Variants in CAB39L observed in about 807,000 individuals in gnomAD.
CAB39L encodes calcium binding protein 39 like.
A neutral mutation model predicts 39.1 loss-of-function variants in CAB39L; 23 were observed. The ratio of observed to expected loss-of-function variants is 0.59; its 90% CI spans 0.42 to 0.83. The LOEUF (loss-of-function observed/expected upper bound fraction) is 0.83, where lower values mean the gene tolerates loss of function less well. Ranked by LOEUF, CAB39L falls within the 40% of genes least tolerant of loss-of-function variation. The pLI is 0.00. For synonymous variants in CAB39L, 126 were observed against 137.2 expected, an observed-to-expected ratio of 0.92 and a Z score of 0.57; for missense variants, 366 against 391.9, an observed-to-expected ratio of 0.93 and a Z score of 0.56.
chr13:49,325,620 C>T (rs1309632956), intron 10 of CAB39L, among the ~76,000 whole-genome samples: 1 of 152,110 alleles, frequency 6.6e-6, no homozygotes, highest in Non-Finnish European at 1.5e-5. Flanking sequence ...AAAACCTCAT[C>T]TGTACTAAAA....
intron 1 of CAB39L, among the ~76,000 whole-genome samples, chr13:49,437,733 CTT>C (rs1325602104): frequency 6.6e-6 from 1 of 152,206 alleles, no homozygotes; most frequent in African/African-American, 2.4e-5. Context: ...TGGGTTTTCT[CTT>C]GTTAACCTAC....
intron 3 of CAB39L, chr13:49,420,199 G>A (rs1278139532): frequency 1.3e-5 from 2 of 151,970 alleles, no homozygotes; most frequent in African/African-American, 4.8e-5. Context: ...AAAAAAGGAG[G>A]CCCCAATGAA....
At chr13:49,329,482 A>G (rs1191085511) in intron 10 of CAB39L, among the ~76,000 whole-genome samples, 2 of 147,102 alleles carry the variant, frequency 1.4e-5, no homozygotes, top group African/African-American at 5.0e-5. Context: ...CAGGGAAGGC[A>G]TGGAAGCTCC....
rs1453031581 is a variant in CAB39L at position 49,443,996 on chromosome 13, A to C, written c.-256T>G. The C allele has an allele frequency of 1.3e-5, 6 of 456,776 alleles. No homozygotes were observed. In the East Asian group the frequency reaches 4.2e-4, roughly 32 times the overall value. The allele number at this position is 456,776 out of a possible 1,614,324, so 28.3% of individuals were successfully genotyped here. A position where few individuals can be genotyped will look rare whatever the true frequency, so the allele number is the denominator to read the frequency against. On this transcript the variant is annotated 5_prime_UTR_variant, in exon 1 of 11. Coordinates refer to ENST00000409308, the MANE Select transcript of CAB39L (RefSeq NM_001079670.3). ...CAGCCTCACACCTACCGGAGGAAAC[A>C]GCTGCGCCACCACTCCAGTGATGCC...
At position 49,346,100 on chromosome 13, in the gene CAB39L, G is replaced by GAGATATAT. The variant is rs1555254610; in HGVS notation, c.565-1863_565-1862insATATATCT. Among the ~76,000 whole-genome samples the GAGATATAT allele has an allele frequency of 4.0e-3, 125 of 30,922 alleles. 14 individuals carry two copies. Among genetic ancestry groups the GAGATATAT allele is most frequent in the Admixed American group, 0.013 (28 of 2,164 alleles). 20.3% of individuals were successfully genotyped at this position (30,922 alleles called of 152,430 possible). On this transcript the variant is annotated intron_variant, in intron 7 of 10. Coordinates refer to ENST00000409308, the MANE Select transcript of CAB39L (RefSeq NM_001079670.3). ...GATATATATATATATATATATGCTA[G>GAGATATAT]ATATATATATATATATATATATATC...
In CAB39L at chr13:49,374,196, A is replaced by G. The variant is rs533771139; in HGVS notation, c.276+2771T>C. The stretch of plus-strand genomic sequence containing the variant: ...TATGTTCTAGGTATGTGTCACGTCA[A>G]TTGAATAAATAAAGTTAAGAATTGC... On this transcript the variant is annotated intron_variant, in intron 5 of 10. Transcript: ENST00000409308. 2.0e-5 allele frequency among the ~76,000 whole-genome samples: 3 copies of G among 152,340 alleles called. No homozygotes were observed. In the South Asian group the frequency reaches 6.2e-4, roughly 32 times the overall value.
intron 3 of CAB39L, among the ~76,000 whole-genome samples, chr13:49,385,942 G>T (rs58742363): frequency 1 from 152,292 of 152,292 alleles, 76,146 homozygotes; most frequent in Non-Finnish European, 1. Flanking sequence ...GCACATGCTG[G>T]TGAAAAAAAT....
intron 4 of CAB39L, among the ~76,000 whole-genome samples, chr13:49,380,868 T>A (rs1326580744): frequency 6.6e-6 from 1 of 152,066 alleles, no homozygotes. Flanking sequence ...TGATGCAACT[T>A]TTGTTATTTA....
At chr13:49,333,317 T>C (rs548645521) in intron 9 of CAB39L, among the ~76,000 whole-genome samples, 23 of 152,296 alleles carry the variant, frequency 1.5e-4, no homozygotes, top group African/African-American at 5.5e-4. Context: ...TTCTGGAAAC[T>C]TTCTTTGCTC....
intron 1 of CAB39L, among the ~76,000 whole-genome samples, chr13:49,439,006 T>C (rs1437368786): frequency 2.0e-5 from 3 of 152,202 alleles, no homozygotes; most frequent in Non-Finnish European, 4.4e-5. Flanking sequence ...GGGCTTACAT[T>C]TGGGGAACTC....
chr13:49,345,507 G>C (rs1214098913), intron 7 of CAB39L, among the ~76,000 whole-genome samples: 1 of 152,060 alleles, frequency 6.6e-6, no homozygotes, highest in Non-Finnish European at 1.5e-5. Context: ...CATTTACAGG[G>C]GTTCCGTTCC....
chr13:49,349,972 T>A (rs1265274506), intron 7 of CAB39L, among the ~76,000 whole-genome samples: 1 of 152,174 alleles, frequency 6.6e-6, no homozygotes, highest in Admixed American at 6.5e-5. Flanking sequence ...TTCTGATATA[T>A]TCTCTGAACA....
rs535737173 is a variant in CAB39L at position 49,333,751 on chromosome 13, T to C, written c.691-1661A>G. On this transcript the variant is annotated intron_variant, in intron 9 of 10. Transcript: ENST00000409308. Reference sequence around the variant, plus strand: ...CATGCCCGGCTAATTTTTTAGTATTTTTAGTAGAGACGGGGTTTCACCATG... The same window carrying C: ...CATGCCCGGCTAATTTTTTAGTATTCTTAGTAGAGACGGGGTTTCACCATG... Among the ~76,000 whole-genome samples the C allele has an allele frequency of 1.9e-4, 29 of 152,000 alleles. No individual in the cohort carries two copies. In the East Asian group the frequency reaches 5.6e-3, roughly 29 times the overall value.
chr13:49,352,941 T>C (rs1273701174), intron 6 of CAB39L, among the ~76,000 whole-genome samples: 10 of 152,220 alleles, frequency 6.6e-5, no homozygotes, highest in African/African-American at 1.9e-4. Context: ...AGAATTTTCA[T>C]GAAAGACAGA....
At chr13:49,439,921 GTTTTTT>G in intron 1 of CAB39L, among the ~76,000 whole-genome samples, 1 of 78,584 alleles carries the variant, frequency 1.3e-5, no homozygotes, top group Admixed American at 1.8e-4. Flanking sequence ...TTTTTAATGG[GTTTTTT>G]TTTTTTTTTT....
intron 8 of CAB39L, among the ~76,000 whole-genome samples, chr13:49,341,739 T>C (rs187881752): frequency 6.6e-6 from 1 of 152,274 alleles, no homozygotes; most frequent in Non-Finnish European, 1.5e-5. Context: ...ATTTGGAAAG[T>C]TCCCAACACA....
intron 3 of CAB39L, among the ~76,000 whole-genome samples, chr13:49,412,179 G>A (rs1957004077): frequency 3.9e-5 from 6 of 152,060 alleles, no homozygotes; most frequent in Admixed American, 3.9e-4. Context: ...AGACATACAG[G>A]TAGGTGAGGG....
intron 3 of CAB39L, among the ~76,000 whole-genome samples, chr13:49,410,789 G>C (rs1956975011): frequency 1.3e-5 from 2 of 151,922 alleles, no homozygotes; most frequent in Non-Finnish European, 2.9e-5. Flanking sequence ...ACATATTCAG[G>C]TAATTTACTG....
At chr13:49,420,438 C>T (rs1957153845) in intron 3 of CAB39L, 1 of 152,216 alleles carries the variant, frequency 6.6e-6, no homozygotes, top group Admixed American at 6.5e-5. Context: ...TAATTGCCTT[C>T]CAATATCTGT....
Sources: allele counts gnomAD v4.1 joint callset (sites outside exome capture counted in the v4.1 genomes callset), GRCh38; gene constraint gnomAD v4.1.1; transcripts MANE v1.5; gene names NCBI Gene and HGNC (gene_info 2026-07-23, HGNC 2026-07-21).